The following CLEC12A variants were observed in gnomAD, a reference collection of about 807,000 sequenced individuals.
CLEC12A encodes the protein C-type lectin protein CLL-1.
In CLEC12A, 22 loss-of-function variants were observed where a neutral mutation model predicts 26.5. The observed-to-expected ratio is 0.83, with a 90% CI of 0.59 to 1.19. CLEC12A has a LOEUF of 1.19. Among genes scored for constraint, CLEC12A ranks in the 50% most tolerant of loss-of-function variants. The pLI, the probability that CLEC12A is intolerant of heterozygous loss-of-function variation, is 0.00. For synonymous variants in CLEC12A, 119 were observed against 101.9 expected (o/e 1.17, Z -1.01); for missense variants, 353 against 315.6 (o/e 1.12, Z -0.90).
chr12:10,000,414 C>T (rs1194542943), downstream of CLEC12A, among the ~76,000 whole-genome samples: 2 of 152,070 alleles, frequency 1.3e-5, no homozygotes. Context: ...GAAGAATAAG[C>T]ATAACACGTA....
downstream of CLEC12A, among the ~76,000 whole-genome samples, chr12:9,990,002 G>C (rs1864856701): frequency 6.6e-6 from 1 of 151,844 alleles, no homozygotes; most frequent in Non-Finnish European, 1.5e-5. Flanking sequence ...TGTTTACTGA[G>C]TATTTTAAGC....
chr12:9,952,208 T>A, intron 1 of CLEC12A: 1 of 83,366 alleles, frequency 1.2e-5, no homozygotes. Flanking sequence ...TCCCTCTCCC[T>A]CTCCCCACGG....
chr12:9,981,556 A>T (rs931623577), intron 4 of CLEC12A, among the ~76,000 whole-genome samples: 2 of 152,194 alleles, frequency 1.3e-5, no homozygotes, highest in African/African-American at 4.8e-5. Flanking sequence ...AGGCTAGAAT[A>T]AGAAAAAAAC....
rs556826338 is a variant in CLEC12A, at chr12:9,974,494, A to C, written c.91+2807A>C. Among the ~76,000 whole-genome samples the C allele has an allele frequency of 9.8e-5, 15 of 152,338 alleles. No homozygotes were observed. The South Asian group carries it at 2.7e-3, about 27-fold the overall frequency. ...CTTTCACATTTCCATAAGGAGTTCT[A>C]ATCTCATTTTAAACTTAAAATGTCA... On this transcript the variant is annotated intron_variant, in intron 1 of 5. Transcript: ENST00000304361.
intron 4 of CLEC12A, among the ~76,000 whole-genome samples, chr12:9,981,695 C>T (rs1864566056): frequency 6.6e-6 from 1 of 152,054 alleles, no homozygotes. Context: ...CATTACCCAC[C>T]TCCTTTGGCC....
intron 1 of CLEC12A, among the ~76,000 whole-genome samples, chr12:9,954,207 A>T (rs1364548651): frequency 1.9e-3 from 109 of 57,752 alleles, no homozygotes; most frequent in African/African-American, 2.6e-3. Flanking sequence ...ATTATCAATA[A>T]AAAAAAAAAA....
exon 5 of CLEC12A, chr12:9,995,105 G>A (rs1865006392): frequency 1.9e-6 from 3 of 1,606,116 alleles, no homozygotes; most frequent in Non-Finnish European, 2.6e-6. Context: ...AGAGTTTCCA[G>A]TACTCCCTCC....
intron 4 of CLEC12A, 72 bp downstream of exon 4, chr12:9,980,805 C>A: frequency 1.3e-6 from 2 of 1,487,348 alleles, no homozygotes; most frequent in African/African-American, 1.4e-5. Context: ...TTCAATCAAC[C>A]CACTCATGAT....
chr12:9,999,878 G>A (rs1865135224), downstream of CLEC12A, among the ~76,000 whole-genome samples: 2 of 152,160 alleles, frequency 1.3e-5, no homozygotes, highest in Non-Finnish European at 2.9e-5. Flanking sequence ...GTACAGCTGT[G>A]CTTAGATGAA....
chr12:9,985,029 C>T lies in CLEC12A; in HGVS notation c.*3C>T. 5 of 1,506,570 alleles carry T rather than the reference C, an allele frequency of 3.3e-6. No homozygotes were observed. In the Admixed American group the frequency reaches 6.6e-5, roughly 20 times the overall value. 93.3% of individuals were successfully genotyped at this position (1,506,570 alleles called of 1,614,324 possible). On this transcript the variant is annotated 3_prime_UTR_variant, in exon 6 of 6. Transcript: ENST00000304361. ...CTACATATTTTAGGGAGGCATGAGG[C>T]ATCAATCAAATACATTTAAGGAGTG...
chr12:10,005,204 A>T, the CLEC12A span, among the ~76,000 whole-genome samples: 4 of 152,370 alleles, frequency 2.6e-5, no homozygotes, highest in Middle Eastern at 3.4e-3. Context: ...TTAATGAATT[A>T]TACAAGCATT....
intron 1 of CLEC12A, among the ~76,000 whole-genome samples, chr12:9,962,606 G>A (rs1015937150): frequency 2.6e-5 from 4 of 152,152 alleles, no homozygotes; most frequent in Admixed American, 2.6e-4. Context: ...TACAGTCAAA[G>A]GGGGCTTGTT....
At chr12:10,004,711 G>T in the CLEC12A span, among the ~76,000 whole-genome samples, 1 of 151,964 alleles carries the variant, frequency 6.6e-6, no homozygotes, top group Non-Finnish European at 1.5e-5. Flanking sequence ...ATTTGGAGCT[G>T]CCAGTCTCCC....
chr12:9,996,387 A>T (rs538626273), downstream of CLEC12A, among the ~76,000 whole-genome samples: 2 of 152,336 alleles, frequency 1.3e-5, no homozygotes, highest in South Asian at 4.1e-4. Context: ...GGATATGCAT[A>T]TATGTCTCGA....
the CLEC12A span, among the ~76,000 whole-genome samples, chr12:10,004,380 T>C: frequency 1.3e-5 from 2 of 152,082 alleles, no homozygotes; most frequent in East Asian, 3.8e-4. Context: ...TACTGAGTTG[T>C]GGAAGTGGCT....
upstream of CLEC12A, among the ~76,000 whole-genome samples, chr12:9,969,504 T>A (rs959048753): frequency 1.3e-5 from 2 of 152,230 alleles, no homozygotes; most frequent in Non-Finnish European, 2.9e-5. Flanking sequence ...AAGGATTTTG[T>A]ATGAAGTAAT....
rs777285402 is a variant in CLEC12A at position 9,993,292 on chromosome 12, G to T, written n.1005-1726G>T. ...CCATCTTCCAAAAACTCAAACCTGT[G>T]AAGGGAAAGTTAGAATAAATTCCTT... is the stretch of plus-strand genomic sequence containing the variant. On this transcript the variant is annotated intron_variant and non_coding_transcript_variant, in intron 4 of 4. Coordinates refer to the CLEC12A transcript ENST00000449959. 2.5e-6 allele frequency: 4 copies of T among 1,601,464 alleles called. No individual in the cohort carries two copies. The African/African-American group carries it at 5.4e-5, about 22-fold the overall frequency.
At chr12:9,958,989 C>T (rs1220304012) in intron 1 of CLEC12A, among the ~76,000 whole-genome samples, 1 of 152,174 alleles carries the variant, frequency 6.6e-6, no homozygotes, top group Non-Finnish European at 1.5e-5. Context: ...AGGTAATAAG[C>T]TCTGGAAGAC....
rs1335735980 is a variant in CLEC12A, at chr12:9,983,513, T to G, written c.642-1357T>G. 3 of 696,660 alleles carry G rather than the reference T, an allele frequency of 4.3e-6. No homozygotes were observed. The South Asian group carries it at 4.5e-5, about 10-fold the overall frequency. 43.2% of individuals were successfully genotyped at this position (696,660 alleles called of 1,614,324 possible). ...AATTCCATTTGTATTTTTTAATCTC[T>G]GAAATTTGGGAAGCAGAAAATATCA... On this transcript the variant is annotated intron_variant, in intron 5 of 5. Coordinates refer to ENST00000304361, the MANE Select transcript of CLEC12A (RefSeq NM_138337.6).
Sources: allele counts gnomAD v4.1 joint callset (sites outside exome capture counted in the v4.1 genomes callset), GRCh38; gene constraint gnomAD v4.1.1; transcripts MANE v1.5; gene names NCBI Gene and HGNC (gene_info 2026-07-23, HGNC 2026-07-21).